Variants in PODN observed in about 807,000 individuals in gnomAD.
The protein encoded by PODN is podocan.
Under a neutral mutation model 52.7 loss-of-function variants are expected in PODN, and 40 were observed. The observed-to-expected ratio is 0.76, with a 90% CI of 0.59 to 0.99. The LOEUF (loss-of-function observed/expected upper bound fraction) is 0.99. Among genes scored for constraint, PODN ranks in the 50% least tolerant of loss-of-function variants. PODN has a pLI of 0.00. For synonymous variants in PODN, 396 were observed against 377.9 expected (o/e 1.05, Z -0.56); for missense variants, 720 against 815.1 (o/e 0.88, Z 1.42).
intron 6 of PODN, 131 bp downstream of exon 6, chr1:53,077,477 G>A: frequency 7.3e-7 from 1 of 1,374,908 alleles, no homozygotes; most frequent in Non-Finnish European, 9.9e-7. Context: ...GGGGCTGACA[G>A]CAAGGAGTCT....
At position 53,070,010 on chromosome 1, in the gene PODN, T is replaced by C; in HGVS notation, c.155T>C (p.Leu52Pro). 1 of 1,612,736 alleles carries C rather than the reference T, an allele frequency of 6.2e-7. No individual in the cohort carries two copies. Among genetic ancestry groups the C allele is most frequent in the Non-Finnish European group, 8.5e-7 (1 of 1,179,856 alleles). ...GAATTTGCGGAGGAGGAGCCGGTGC[T>C]GGTACTGAGCCCTGAGGAGCCCGGG... ...ENEFAEEEPV[L>P]VLSPEEPGPG... Residue 52 changes from leucine to proline, a missense_variant, in exon 2 of 11, where the codon CTG becomes CCG. Physicochemically the swap from Leu to Pro is moderately conservative, Grantham distance 98. Transcript: ENST00000312553.
chr1:53,071,482 G>A, intron 2 of PODN, 53 bp from the exon 3 acceptor site: 1 of 1,470,062 alleles, frequency 6.8e-7, no homozygotes, highest in African/African-American at 1.4e-5. Flanking sequence ...ATGGAGTCCA[G>A]GGCACACCCC....
At chr1:53,066,809 C>A (rs1644039183) in intron 1 of PODN, 4 of 1,545,350 alleles carry the variant, frequency 2.6e-6, no homozygotes, top group African/African-American at 2.7e-5. Context: ...TTTATTGATG[C>A]AGTTTACAGA....
At chr1:53,069,700 G>T (rs1479721594) in intron 1 of PODN, 101 bp from the exon 2 acceptor site, 20 of 1,450,912 alleles carry the variant, frequency 1.4e-5, no homozygotes, top group Non-Finnish European at 1.8e-5. Flanking sequence ...GTCAGTCATC[G>T]GCTGGGCTCT....
Position 53,074,587 on chromosome 1 carries a change from C to T in PODN, c.407-19C>T, listed in dbSNP as rs376240299. The T allele has an allele frequency of 4.5e-5, 72 of 1,613,730 alleles. No individual in the cohort carries two copies. The African/African-American group carries it at 6.3e-4, about 14-fold the overall frequency. The stretch of plus-strand genomic sequence containing the variant: ...CGTCTCCTCCATCCAGGGCTCTGAC[C>T]GATGCCTGTCCTTTGAAGGGCTCCC... On this transcript the variant is annotated intron_variant, in intron 3 of 10. Coordinates refer to ENST00000312553, the MANE Select transcript of PODN (RefSeq NM_153703.5).
intron 7 of PODN, 85 bp downstream of exon 7, chr1:53,077,885 C>T: frequency 9.2e-7 from 1 of 1,089,558 alleles, no homozygotes; most frequent in Non-Finnish European, 1.3e-6. Flanking sequence ...CCAGCCCAGC[C>T]CCTCACGCAC....
At chr1:53,063,060 G>T (rs1262552188) in intron 1 of PODN, among the ~76,000 whole-genome samples, 1 of 152,204 alleles carries the variant, frequency 6.6e-6, no homozygotes, top group Non-Finnish European at 1.5e-5. Context: ...GAAGCCCCAG[G>T]TTCCAGGTCC....
chr1:53,078,120 A>T (rs1252291926), intron 7 of PODN, among the ~76,000 whole-genome samples: 1 of 152,196 alleles, frequency 6.6e-6, no homozygotes, highest in Non-Finnish European at 1.5e-5. Context: ...TAGCCATAAA[A>T]GGCTATCAAA....
intron 5 of PODN, among the ~76,000 whole-genome samples, chr1:53,076,800 G>A (rs1572270784): frequency 6.6e-6 from 1 of 152,240 alleles, no homozygotes; most frequent in East Asian, 1.9e-4. Context: ...GGCAGAGATA[G>A]GCCCTGTGTT....
At position 53,078,640 on chromosome 1, in the gene PODN, G is replaced by A; in HGVS notation, c.1130G>A (p.Gly377Asp). 1 of 1,613,000 alleles carries A rather than the reference G, an allele frequency of 6.2e-7. No individual in the cohort carries two copies. The highest frequency in any genetic ancestry group is 2.2e-5 in the East Asian group (1 of 44,884). Residue 377 changes from glycine (G) to aspartate (D), a missense_variant, in exon 8 of 11, where the codon GGC becomes GAC. By Grantham distance (94) the Gly-to-Asp change is moderately conservative. Coordinates refer to ENST00000312553, the MANE Select transcript of PODN (RefSeq NM_153703.5). ...AACGCGCTGGAGCGCGTGCCCAGTG[G>A]CCTGCCTCGCCGCGTGCGCACCCTC... ...YNNALERVPSGLPRRVRTLMI... is the reference protein window; with the variant it reads ...YNNALERVPSDLPRRVRTLMI...
intron 9 of PODN, 86 bp from the exon 10 acceptor site, chr1:53,081,895 G>A (rs1291920240): frequency 6.6e-7 from 1 of 1,509,892 alleles, no homozygotes; most frequent in African/African-American, 1.4e-5. Flanking sequence ...TCCCTCCCCT[G>A]TTACCTTCTG....
rs761990883 is a variant in PODN at position 53,080,878 on chromosome 1, T to TA, written c.1661+3dup. ...CAACCTCAAGGGGATCTTTCTCAGG[T>TA]AGGAGCCCACTCGCGGCCCTGTACA... is the stretch of plus-strand genomic sequence containing the variant. On this transcript the variant is annotated splice_region_variant and intron_variant, in intron 9 of 10. Transcript: ENST00000312553. The TA allele has an allele frequency of 4.3e-5, 69 of 1,613,652 alleles. No individual in the cohort carries two copies. The highest frequency in any genetic ancestry group is 1.6e-4 in the Middle Eastern group (1 of 6,084).
intron 1 of PODN, chr1:53,063,255 C>G (rs1643985095): frequency 1.5e-6 from 1 of 681,796 alleles, no homozygotes; most frequent in Non-Finnish European, 1.8e-6. Context: ...GGGCGAGCAC[C>G]CCGGCCCCGG....
chr1:53,063,856 T>C (rs538247342), intron 1 of PODN, among the ~76,000 whole-genome samples: 1 of 152,278 alleles, frequency 6.6e-6, no homozygotes, highest in East Asian at 1.9e-4. Flanking sequence ...AATGAGTCCC[T>C]ATCACCAACA....
At chr1:53,070,372 C>T (rs1436649338) in intron 2 of PODN, among the ~76,000 whole-genome samples, 2 of 152,206 alleles carry the variant, frequency 1.3e-5, no homozygotes, top group African/African-American at 2.4e-5. Flanking sequence ...GTCCCAGTCA[C>T]GGAGCACTGT....
rs774675660 is a variant in PODN, at chr1:53,071,664, C to A, written c.406+36C>A. 2.7e-5 allele frequency: 43 copies of A among 1,575,612 alleles called. 1 individual carries two copies. The South Asian group carries it at 4.6e-4, about 17-fold the overall frequency. ...ACCCAGAGCCCAGGGTCAGGGACAC[C>A]AAGTGGGGCCTTGGGGGCCTGAACG... On this transcript the variant is annotated intron_variant, in intron 3 of 10. Transcript: ENST00000312553.
At chr1:53,082,355 G>A (rs1644308272) in intron 10 of PODN, among the ~76,000 whole-genome samples, 167 bp downstream of exon 10, 1 of 152,184 alleles carries the variant, frequency 6.6e-6, no homozygotes, top group South Asian at 2.1e-4. Context: ...GTGGGTGAAA[G>A]GTTGAAGCCT....
rs377201712 is a variant in PODN at position 53,076,524 on chromosome 1, C to T, written c.581+553C>T. On this transcript the variant is annotated intron_variant, in intron 5 of 10. Coordinates refer to ENST00000312553, the MANE Select transcript of PODN (RefSeq NM_153703.5). ...CTGAGCTGTGTCTGTCACAGATGACCCTTGTTCCTTGTCTTCCCTCCTTCT... is the reference window on the plus strand; with the variant it reads ...CTGAGCTGTGTCTGTCACAGATGACTCTTGTTCCTTGTCTTCCCTCCTTCT... Among the ~76,000 whole-genome samples, 44 of 152,258 alleles carry T rather than the reference C, an allele frequency of 2.9e-4. 1 individual carries two copies. In the South Asian group the frequency reaches 8.7e-3, roughly 30 times the overall value.
chr1:53,079,999 TA>T (rs5774134), intron 8 of PODN, among the ~76,000 whole-genome samples: 10,434 of 105,858 alleles, frequency 0.099, 1,072 homozygotes, highest in African/African-American at 0.28. Flanking sequence ...TGTCTCAAAT[TA>T]AAAAAAAAAA....
Sources: gnomAD v4.1 joint callset for allele counts (sites outside exome capture counted in the v4.1 genomes callset) on GRCh38, gnomAD v4.1.1 for gene constraint, MANE v1.5 for transcripts, NCBI Gene and HGNC (gene_info 2026-07-23, HGNC 2026-07-21) for gene names.